Variants in DIAPH3 observed in about 807,000 individuals in gnomAD.
The protein encoded by DIAPH3 is protein diaphanous homolog 3.
A neutral mutation model predicts 144.3 loss-of-function variants in DIAPH3; 117 were observed. The ratio of observed to expected loss-of-function variants is 0.81; its 90% CI spans 0.70 to 0.95. DIAPH3 has a LOEUF of 0.95. Ranked by LOEUF, DIAPH3 falls within the 40% of genes least tolerant of loss-of-function variation. The probability of loss-of-function intolerance (pLI) is 0.00; values close to 1 mark genes in which losing one functional copy is unlikely to be tolerated. For synonymous variants in DIAPH3, 519 were observed against 488.9 expected (o/e 1.06, Z -0.81); for missense variants, 1,421 against 1,412.7 (o/e 1.01, Z -0.09).
At chr13:59,850,546 T>A (rs2042904197) in intron 22 of DIAPH3, among the ~76,000 whole-genome samples, 1 of 150,442 alleles carries the variant, frequency 6.6e-6, no homozygotes, top group South Asian at 2.1e-4. Context: ...TTGAATTTTG[T>A]CAAAGGCTTT....
At chr13:60,112,338 T>C in intron 2 of DIAPH3, 152 bp from the exon 3 acceptor site, 5 of 917,842 alleles carry the variant, frequency 5.4e-6, no homozygotes, top group Middle Eastern at 3.4e-4. Flanking sequence ...AAATTAATAA[T>C]AATAAAGAGT....
At chr13:59,820,752 G>C (rs2041025958) in intron 24 of DIAPH3, among the ~76,000 whole-genome samples, 1 of 150,744 alleles carries the variant, frequency 6.6e-6, no homozygotes, top group Non-Finnish European at 1.5e-5. Context: ...AAAAATGATA[G>C]CATTAAATAC....
chr13:59,905,103 G>A (rs1431130554), intron 20 of DIAPH3, among the ~76,000 whole-genome samples: 2 of 152,008 alleles, frequency 1.3e-5, no homozygotes, highest in African/African-American at 4.8e-5. Flanking sequence ...AGCAGTTTGG[G>A]AGGCCGAGAC....
At chr13:59,822,826 CTT>C (rs1421626843) in intron 24 of DIAPH3, among the ~76,000 whole-genome samples, 4 of 152,222 alleles carry the variant, frequency 2.6e-5, no homozygotes, top group Non-Finnish European at 5.9e-5. Context: ...TCTGTTTCCT[CTT>C]GTCTCTATGT....
intron 27 of DIAPH3, among the ~76,000 whole-genome samples, chr13:59,770,222 C>A (rs573652105): frequency 6.6e-6 from 1 of 152,230 alleles, no homozygotes; most frequent in East Asian, 1.9e-4. Context: ...TAGCAACTGG[C>A]ATATCAAATT....
chr13:60,158,337 A>G (rs1952124162), intron 1 of DIAPH3, among the ~76,000 whole-genome samples: 1 of 152,156 alleles, frequency 6.6e-6, no homozygotes, highest in Non-Finnish European at 1.5e-5. Flanking sequence ...TACTGGCTAG[A>G]ATTGTTTTCA....
intron 2 of DIAPH3, among the ~76,000 whole-genome samples, chr13:60,126,617 G>A (rs960344432): frequency 2.0e-5 from 3 of 152,022 alleles, no homozygotes; most frequent in African/African-American, 4.8e-5. Flanking sequence ...GAATATACAC[G>A]AATACTGACC....
intron 5 of DIAPH3, among the ~76,000 whole-genome samples, chr13:60,025,359 A>G (rs904973431): frequency 7.2e-6 from 1 of 139,726 alleles, no homozygotes; most frequent in Non-Finnish European, 1.5e-5. Flanking sequence ...CTGTCTTCTT[A>G]TATTTGTTTC....
At chr13:59,759,692 C>T (rs1049982431) in intron 27 of DIAPH3, among the ~76,000 whole-genome samples, 2 of 151,936 alleles carry the variant, frequency 1.3e-5, no homozygotes, top group African/African-American at 4.8e-5. Context: ...AGTGGCTGGG[C>T]ACAGTGGCTT....
chr13:59,719,519 C>T (rs2035233062), intron 27 of DIAPH3, among the ~76,000 whole-genome samples: 1 of 152,108 alleles, frequency 6.6e-6, no homozygotes, highest in African/African-American at 2.4e-5. Flanking sequence ...GGTGACATTC[C>T]ATTAGGCCAT....
intron 22 of DIAPH3, among the ~76,000 whole-genome samples, chr13:59,859,375 C>T (rs1291438599): frequency 6.6e-6 from 1 of 152,040 alleles, no homozygotes; most frequent in Non-Finnish European, 1.5e-5. Flanking sequence ...CCCAGAAGAA[C>T]CAAACCAAGT....
At position 59,723,101 on chromosome 13, in the gene DIAPH3, G is replaced by A. The variant is rs150996829; in HGVS notation, c.3319+51088C>T. Reference sequence around the variant, plus strand: ...CAGAATAATGTTCAGGGACTAATGGGTGTGAACTCTTTCCCCCACTCTGAA... The same window carrying A: ...CAGAATAATGTTCAGGGACTAATGGATGTGAACTCTTTCCCCCACTCTGAA... On this transcript the variant is annotated intron_variant, in intron 27 of 27. Transcript: ENST00000400324. Among the ~76,000 whole-genome samples, 3 of 152,212 alleles carry A rather than the reference G, an allele frequency of 2.0e-5. No individual in the cohort carries two copies. The East Asian group carries it at 5.8e-4, about 29-fold the overall frequency.
chr13:60,154,601 C>T (rs1276117289), intron 1 of DIAPH3, among the ~76,000 whole-genome samples: 1 of 152,082 alleles, frequency 6.6e-6, no homozygotes, highest in East Asian at 1.9e-4. Context: ...TAAATTCTCC[C>T]CTAAGTTAAT....
At chr13:59,711,825 T>TA (rs1197216948) in intron 27 of DIAPH3, among the ~76,000 whole-genome samples, 6 of 151,316 alleles carry the variant, frequency 4.0e-5, no homozygotes, top group East Asian at 3.9e-4. Context: ...GAGTTAACAC[T>TA]AAAAAAAAAT....
intron 24 of DIAPH3, among the ~76,000 whole-genome samples, chr13:59,823,182 C>T (rs964276823): frequency 6.6e-6 from 1 of 152,094 alleles, no homozygotes; most frequent in African/African-American, 2.4e-5. Context: ...TCCCATTTAG[C>T]AATGCATAGT....
intron 4 of DIAPH3, among the ~76,000 whole-genome samples, chr13:60,063,275 C>T (rs1184449225): frequency 6.6e-6 from 1 of 152,168 alleles, no homozygotes; most frequent in African/African-American, 2.4e-5. Context: ...CATAACATTG[C>T]AGAAATTGTC....
At chr13:60,103,600 CA>C (rs2058333290) in intron 3 of DIAPH3, among the ~76,000 whole-genome samples, 1 of 152,130 alleles carries the variant, frequency 6.6e-6, no homozygotes, top group African/African-American at 2.4e-5. Flanking sequence ...AGAAGCACTG[CA>C]ATAGCAAAAC....
rs183630529 is a variant in DIAPH3 at position 59,738,281 on chromosome 13, G to C, written c.3319+35908C>G. ...CTGGGGTCATCTTAGTAGAGATCCT[G>C]CTCAAGAAGGTGGCCTGCCAAAGCA... On this transcript the variant is annotated intron_variant, in intron 27 of 27. Transcript: ENST00000400324. 2.9e-3 allele frequency among the ~76,000 whole-genome samples: 434 copies of C among 152,238 alleles called. 3 individuals carry two copies. The highest frequency in any genetic ancestry group is 0.01 in the African/African-American group (419 of 41,548).
intron 24 of DIAPH3, among the ~76,000 whole-genome samples, chr13:59,828,422 A>C (rs1485971997): frequency 1.3e-5 from 2 of 151,912 alleles, no homozygotes; most frequent in African/African-American, 4.8e-5. Flanking sequence ...GATTCTCTCT[A>C]GTAAGTTATC....
Sources: gnomAD v4.1 joint callset for allele counts (sites outside exome capture counted in the v4.1 genomes callset) on GRCh38, gnomAD v4.1.1 for gene constraint, MANE v1.5 for transcripts, NCBI Gene and HGNC (gene_info 2026-07-23, HGNC 2026-07-21) for gene names.